CARS1: variants seen among roughly 807,000 people sequenced by gnomAD.
CARS1 encodes cysteine--tRNA ligase, cytoplasmic.
A neutral mutation model predicts 106.2 loss-of-function variants in CARS1; 48 were observed. That is an observed-to-expected ratio of 0.45 (90% confidence interval 0.36 to 0.57). The LOEUF is 0.57. Among genes scored for constraint, CARS1 ranks in the 20% least tolerant of loss-of-function variants. The pLI is 0.00. For synonymous variants in CARS1, 409 were observed against 403.4 expected (o/e 1.01, Z -0.17); for missense variants, 968 against 1,057.2 (o/e 0.92, Z 1.17).
chr11:3,016,161 C>T lies in CARS1; in HGVS notation c.1918-312G>A, dbSNP rs540811598. Among the ~76,000 whole-genome samples the T allele has an allele frequency of 4.1e-4, 62 of 151,310 alleles. 1 individual carries two copies. In the South Asian group the frequency reaches 6.1e-3, roughly 15 times the overall value. On this transcript the variant is annotated intron_variant, in intron 16 of 22. Coordinates refer to ENST00000380525, the MANE Select transcript of CARS1 (RefSeq NM_001014437.3). ...CCTGCTGGCCTTTCAAGGTGCACTG[C>T]GGGGAAGGGCTCTGCACAGGATGTG...
At position 3,053,868 on chromosome 11, in the gene CARS1, A is replaced by G. The variant is rs1307803735; in HGVS notation, c.25+3475T>C. On this transcript the variant is annotated intron_variant, in intron 1 of 22. Coordinates refer to ENST00000380525, the MANE Select transcript of CARS1 (RefSeq NM_001014437.3). This position sits in a 1 kb window ranked among gnomAD's most constrained non-coding sequence, Gnocchi z 6.6. Reference sequence around the variant, plus strand: ...TGACCCTTTGCCCTCTGACCCTGCTACTTCAAAGGTCCCACCAGGGTCCTC... The same window carrying G: ...TGACCCTTTGCCCTCTGACCCTGCTGCTTCAAAGGTCCCACCAGGGTCCTC... 6.6e-6 allele frequency among the ~76,000 whole-genome samples: 1 copy of G among 152,060 alleles called. No homozygotes were observed. Among genetic ancestry groups the G allele is most frequent in the Non-Finnish European group, 1.5e-5 (1 of 67,992 alleles).
Position 3,004,069 on chromosome 11 carries a change from A to T in CARS1, c.2217+1297T>A, listed in dbSNP as rs1337778768. On this transcript the variant is annotated intron_variant, in intron 20 of 22. Transcript: ENST00000380525. This position sits in a 1 kb window ranked among gnomAD's most constrained non-coding sequence, Gnocchi z 5.2. ...AGCAAGCCAGGGCGTCTGCACAGCC[A>T]GCACCAGGCCACCTCACAGCACAGC... is the stretch of plus-strand genomic sequence containing the variant. Among the ~76,000 whole-genome samples, 1 of 152,190 alleles carries T rather than the reference A, an allele frequency of 6.6e-6. No homozygotes were observed. The highest frequency in any genetic ancestry group is 6.5e-5 in the Admixed American group (1 of 15,284).
intron 18 of CARS1, chr11:3,009,165 G>A (rs1850203330): frequency 6.6e-6 from 1 of 152,320 alleles, no homozygotes. Context: ...GAAGAGAAAT[G>A]TGGGCTACAA....
chr11:3,008,059 G>A lies in CARS1; in HGVS notation c.2069-1100C>T, dbSNP rs990083549. ...TTTCTGCTCTGAAATCTGACCTTGG[G>A]TTTGCTGGAATCACCACACCCTTTA... On this transcript the variant is annotated intron_variant, in intron 18 of 22. Coordinates refer to ENST00000380525, the MANE Select transcript of CARS1 (RefSeq NM_001014437.3). The surrounding 1 kb of genome is among the most constrained non-coding windows in gnomAD (Gnocchi z 5.1). 6.6e-6 allele frequency: 1 copy of A among 152,256 alleles called. No homozygotes were observed. The highest frequency in any genetic ancestry group is 1.5e-5 in the Non-Finnish European group (1 of 68,098). The allele number at this position is 152,256 out of a possible 1,614,324, so 9.4% of individuals were successfully genotyped here. A position where few individuals can be genotyped will look rare whatever the true frequency, so the allele number is the denominator to read the frequency against.
At chr11:3,015,497 A>T (rs1850896218) in intron 17 of CARS1, among the ~76,000 whole-genome samples, 1 of 152,248 alleles carries the variant, frequency 6.6e-6, no homozygotes, top group Non-Finnish European at 1.5e-5. Flanking sequence ...AAATGCAAAT[A>T]AGCAGCGGCC....
chr11:3,054,716 C>T (rs1856023622), intron 1 of CARS1, among the ~76,000 whole-genome samples: 1 of 152,240 alleles, frequency 6.6e-6, no homozygotes, highest in African/African-American at 2.4e-5. Context: ...AAGATGCCGG[C>T]AGGATCTTCC....
chr11:3,006,403 G>A (rs540304946), intron 19 of CARS1, among the ~76,000 whole-genome samples: 7 of 152,312 alleles, frequency 4.6e-5, no homozygotes, highest in South Asian at 2.1e-4. Context: ...CCGAGATCGC[G>A]CCACTGTACT....
rs1853773717 is a variant in CARS1 at position 3,037,267 on chromosome 11, A to G, written c.801+783T>C. Among the ~76,000 whole-genome samples, 1 of 152,252 alleles carries G rather than the reference A, an allele frequency of 6.6e-6. No individual in the cohort carries two copies. Among genetic ancestry groups the G allele is most frequent in the South Asian group, 2.1e-4 (1 of 4,836 alleles). On this transcript the variant is annotated intron_variant, in intron 7 of 22. Coordinates refer to ENST00000380525, the MANE Select transcript of CARS1 (RefSeq NM_001014437.3). This position sits in a 1 kb window ranked among gnomAD's most constrained non-coding sequence, Gnocchi z 5.9. ...GCGCAACGAAGCGATCTGCTGAGTC[A>G]GGACACAGAAGAGACCAAACTAGAA...
chr11:3,054,876 C>A (rs1856040290), intron 1 of CARS1: 1 of 702,440 alleles, frequency 1.4e-6, no homozygotes, highest in African/African-American at 1.7e-5. Context: ...ATAAGTCTGA[C>A]CTGATGAGCA....
At position 3,028,963 on chromosome 11, in the gene CARS1, C is replaced by G. The variant is rs374829685; in HGVS notation, c.1031+33G>C. The G allele has an allele frequency of 2.1e-6, 3 of 1,457,372 alleles. No homozygotes were observed. The highest frequency in any genetic ancestry group is 2.9e-6 in the Non-Finnish European group (3 of 1,037,566). 90.3% of individuals were successfully genotyped at this position (1,457,372 alleles called of 1,614,324 possible). A position where few individuals can be genotyped will look rare whatever the true frequency, so the allele number is the denominator to read the frequency against. On this transcript the variant is annotated intron_variant, in intron 9 of 22. Coordinates refer to ENST00000380525, the MANE Select transcript of CARS1 (RefSeq NM_001014437.3). The surrounding 1 kb of genome is among the most constrained non-coding windows in gnomAD (Gnocchi z 4.4). The stretch of plus-strand genomic sequence containing the variant: ...TCCTCCCTGTGCGATGTTCTGCAGC[C>G]CTTCCCTCCCTAGGGAAGGCCCTTG...
intron 9 of CARS1, chr11:3,027,015 C>T (rs12281847): frequency 0.089 from 44,238 of 494,462 alleles, 2,243 homozygotes; most frequent in African/African-American, 0.14. Context: ...CTGGGCAGCT[C>T]GTCCCTCTGC....
rs74436287 is a variant in CARS1, at chr11:3,046,388, G to A, written c.274+1365C>T. On this transcript the variant is annotated intron_variant, in intron 2 of 22. Transcript: ENST00000380525. The surrounding 1 kb of genome is among the most constrained non-coding windows in gnomAD (Gnocchi z 5.8). ...TGGCAGGGGGAACAACCTGACACCC[G>A]AGCCCTTGGAGAGAAGGCACCTCAC... 4.6e-5 allele frequency among the ~76,000 whole-genome samples: 7 copies of A among 152,184 alleles called. No individual in the cohort carries two copies. Among genetic ancestry groups the A allele is most frequent in the East Asian group, 1.9e-4 (1 of 5,166 alleles).
In CARS1 at chr11:3,047,775, G is replaced by T. The variant is rs1855252262; in HGVS notation, c.252C>A (p.Gly84=). The change falls in exon 2 of 23, where the codon GGC becomes GGA. Residue 84 remains glycine, a synonymous_variant. Coordinates refer to ENST00000380525, the MANE Select transcript of CARS1 (RefSeq NM_001014437.3). ...CACTTGCTTGGAGCCTGCAGGGCTG[G>T]CCTTTGCCACAGGGGCTACCCAGGA... ...EALLGSPCGK[G]QPCRLQASKG... 1 of 1,613,414 alleles carries T rather than the reference G, an allele frequency of 6.2e-7. No homozygotes were observed. Among genetic ancestry groups the T allele is most frequent in the Non-Finnish European group, 8.5e-7 (1 of 1,179,470 alleles).
At position 3,041,190 on chromosome 11, in the gene CARS1, G is replaced by A. The variant is rs747364933; in HGVS notation, c.367-206C>T. 127 of 621,544 alleles carry A rather than the reference G, an allele frequency of 2.0e-4. No individual in the cohort carries two copies. Among genetic ancestry groups the A allele is most frequent in the Admixed American group, 5.8e-4 (17 of 29,506 alleles). 38.5% of individuals were successfully genotyped at this position (621,544 alleles called of 1,614,324 possible). ...ACCTCCCACCAACTGAGCCCTGGGT[G>A]GGTGGGGCCTCTTCCTCCCTGGGGT... is the stretch of plus-strand genomic sequence containing the variant. On this transcript the variant is annotated intron_variant, in intron 3 of 22. Coordinates refer to ENST00000380525, the MANE Select transcript of CARS1 (RefSeq NM_001014437.3). The surrounding 1 kb of genome is among the most constrained non-coding windows in gnomAD (Gnocchi z 4.9).
chr11:3,002,458 C>T (rs368309295), intron 21 of CARS1, 83 bp downstream of exon 21: 7 of 1,587,710 alleles, frequency 4.4e-6, no homozygotes, highest in South Asian at 2.3e-5. Context: ...CTAAGGTCCA[C>T]GGAGGCACAG....
Position 3,030,296 on chromosome 11 carries a change from GC to G in CARS1, c.802-854del, listed in dbSNP as rs1440791903. The G allele has an allele frequency of 6.6e-6, 1 of 152,248 alleles. No individual in the cohort carries two copies. Among genetic ancestry groups the G allele is most frequent in the Non-Finnish European group, 1.5e-5 (1 of 68,084 alleles). 9.4% of individuals were successfully genotyped at this position (152,248 alleles called of 1,614,324 possible). A position where few individuals can be genotyped will look rare whatever the true frequency, so the allele number is the denominator to read the frequency against. On this transcript the variant is annotated intron_variant, in intron 7 of 22. Coordinates refer to ENST00000380525, the MANE Select transcript of CARS1 (RefSeq NM_001014437.3). The surrounding 1 kb of genome is among the most constrained non-coding windows in gnomAD (Gnocchi z 5.7). ...AACACAGACAGAGAAGGGGCACAGG[GC>G]CCACGTGGGCCAGGTTCCTGATGCA...
intron 17 of CARS1, 94 bp downstream of exon 17, chr11:3,015,686 TG>T: frequency 9.3e-7 from 1 of 1,069,592 alleles, no homozygotes; most frequent in South Asian, 1.3e-5. Flanking sequence ...CTGGTGTGGG[TG>T]GGCAGACAGA....
rs1468018364 is a variant in CARS1 at position 3,030,485 on chromosome 11, G to A, written c.802-1042C>T. The A allele has an allele frequency of 6.6e-6, 1 of 152,244 alleles. No homozygotes were observed. Among genetic ancestry groups the A allele is most frequent in the Non-Finnish European group, 1.5e-5 (1 of 68,070 alleles). 9.4% of individuals were successfully genotyped at this position (152,244 alleles called of 1,614,324 possible). A position where few individuals can be genotyped will look rare whatever the true frequency, so the allele number is the denominator to read the frequency against. On this transcript the variant is annotated intron_variant, in intron 7 of 22. Coordinates refer to ENST00000380525, the MANE Select transcript of CARS1 (RefSeq NM_001014437.3). This position sits in a 1 kb window ranked among gnomAD's most constrained non-coding sequence, Gnocchi z 5.7. Reference sequence around the variant, plus strand: ...CAGGGTGTGCGCTCTGGGGAGCAAAGGCTGCCAAGTCTGCTGCCCGAAAAG... The same window carrying A: ...CAGGGTGTGCGCTCTGGGGAGCAAAAGCTGCCAAGTCTGCTGCCCGAAAAG...
rs1050512212 is a variant in CARS1, at chr11:3,046,360, A to C, written c.274+1393T>G. Among the ~76,000 whole-genome samples the C allele has an allele frequency of 2.0e-5, 3 of 152,136 alleles. No individual in the cohort carries two copies. The highest frequency in any genetic ancestry group is 4.8e-5 in the African/African-American group (2 of 41,414). Reference sequence around the variant, plus strand: ...CCCTCTGGCTGTGTCTTGGAATGGCACATGGCAGGGGGAACAACCTGACAC... The same window carrying C: ...CCCTCTGGCTGTGTCTTGGAATGGCCCATGGCAGGGGGAACAACCTGACAC... On this transcript the variant is annotated intron_variant, in intron 2 of 22. Coordinates refer to ENST00000380525, the MANE Select transcript of CARS1 (RefSeq NM_001014437.3). The surrounding 1 kb of genome is among the most constrained non-coding windows in gnomAD (Gnocchi z 5.8).
Sources: allele counts gnomAD v4.1 joint callset (sites outside exome capture counted in the v4.1 genomes callset), GRCh38; gene constraint gnomAD v4.1.1; non-coding constraint Gnocchi (gnomAD v3.1); transcripts MANE v1.5; gene names NCBI Gene and HGNC (gene_info 2026-07-23, HGNC 2026-07-21).